The following SLC26A8 variants were observed in gnomAD, a reference collection of about 807,000 sequenced individuals.
SLC26A8 encodes testis anion transporter 1.
Under a neutral mutation model 105.0 loss-of-function variants are expected in SLC26A8, and 70 were observed. The observed-to-expected ratio is 0.67, with a 90% confidence interval of 0.55 to 0.81. SLC26A8 has a LOEUF of 0.81. Among genes scored for constraint, SLC26A8 ranks in the 40% least tolerant of loss-of-function variants. The probability of loss-of-function intolerance (pLI) is 0.00; values close to 1 mark genes in which losing one functional copy is unlikely to be tolerated. For synonymous variants in SLC26A8, 415 were observed against 438.3 expected (o/e 0.95, Z 0.66); for missense variants, 998 against 1,181.8 (o/e 0.84, Z 2.28).
At chr6:35,949,842 G>A (rs1447488793) in intron 19 of SLC26A8, among the ~76,000 whole-genome samples, 4 of 151,014 alleles carry the variant, frequency 2.6e-5, no homozygotes, top group South Asian at 2.1e-4. Context: ...GTCTCACTCC[G>A]TCGCCCAGTC....
chr6:35,988,005 G>A (rs377048923), intron 7 of SLC26A8, among the ~76,000 whole-genome samples: 5 of 151,030 alleles, frequency 3.3e-5, no homozygotes, highest in East Asian at 2.0e-4. Context: ...TCCGCCTCCC[G>A]GGTTAAGTGA....
At position 36,012,301 on chromosome 6, in the gene SLC26A8, C is replaced by T. The variant is rs140210148; in HGVS notation, c.260G>A (p.Arg87Gln). ...GTCTCCCAGAAGCCAATCCTTTAAT[C>T]GATACATACACATCCATTCTAGGAA... ...FPFLEWMCMY[R>Q]LKDWLLGDLL... The change falls in exon 3 of 20, where the codon CGA becomes CAA. Residue 87 changes from arginine to glutamine, a missense_variant. Physicochemically the swap from Arg to Gln is conservative, Grantham distance 43 (BLOSUM62 1). Coordinates refer to ENST00000490799, the MANE Select transcript of SLC26A8 (RefSeq NM_052961.4). 6.9e-4 allele frequency: 1,113 copies of T among 1,612,042 alleles called. 1 individual carries two copies. The highest frequency in any genetic ancestry group is 8.6e-4 in the Non-Finnish European group (1,018 of 1,179,330).
chr6:35,985,536 TA>T (rs763111900), intron 7 of SLC26A8, among the ~76,000 whole-genome samples: 202 of 150,978 alleles, frequency 1.3e-3, no homozygotes, highest in Admixed American at 2.3e-3. Context: ...CTACTAAAAA[TA>T]AAAAAATTAG....
rs76422826 is a variant in SLC26A8 at position 35,972,218 on chromosome 6, C to A, written c.1287+3157G>T. Among the ~76,000 whole-genome samples the A allele has an allele frequency of 1.5e-3, 226 of 152,264 alleles. 4 individuals carry two copies. The South Asian group carries it at 0.025, about 17-fold the overall frequency. On this transcript the variant is annotated intron_variant, in intron 10 of 19. Transcript: ENST00000490799. ...AGAGCCAGCCCCATATTTCTCTTTT[C>A]TGCAGTCCTAAGAAACTTTGAAGAA...
At chr6:35,960,812 G>A (rs1475702251) in intron 14 of SLC26A8, 31 bp downstream of exon 14, 5 of 1,606,406 alleles carry the variant, frequency 3.1e-6, no homozygotes, top group Non-Finnish European at 3.4e-6. Flanking sequence ...TATCCCTTAG[G>A]CAGAGAAATG....
intron 3 of SLC26A8, among the ~76,000 whole-genome samples, chr6:36,008,498 G>C (rs978454771): frequency 6.6e-6 from 1 of 152,052 alleles, no homozygotes; most frequent in Non-Finnish European, 1.5e-5. Context: ...ATACCACTAC[G>C]TACTTCTTAG....
chr6:35,992,468 G>A (rs750539064), intron 6 of SLC26A8, 42 bp downstream of exon 6: 8 of 1,578,502 alleles, frequency 5.1e-6, no homozygotes, highest in Non-Finnish European at 6.9e-6. Flanking sequence ...GAGGCAAGAG[G>A]AGTGGCATTT....
intron 8 of SLC26A8, among the ~76,000 whole-genome samples, chr6:35,980,054 C>T (rs1056541801): frequency 5.9e-5 from 9 of 152,168 alleles, no homozygotes; most frequent in African/African-American, 2.2e-4. Flanking sequence ...CTTATTGCAA[C>T]CTCCAACTCC....
chr6:35,966,487 G>C (rs888017781), intron 11 of SLC26A8, among the ~76,000 whole-genome samples: 2 of 152,110 alleles, frequency 1.3e-5, no homozygotes, highest in African/African-American at 4.8e-5. Flanking sequence ...GTAAAAACAA[G>C]TTAAACTCAT....
At chr6:35,971,955 G>A (rs73729642) in intron 10 of SLC26A8, among the ~76,000 whole-genome samples, 11,725 of 152,186 alleles carry the variant, frequency 0.077, 582 homozygotes, top group African/African-American at 0.14. Context: ...AGCCCAGCTG[G>A]CCACAGGCCT....
At chr6:35,968,013 A>C (rs910779796) in intron 11 of SLC26A8, among the ~76,000 whole-genome samples, 3 of 151,770 alleles carry the variant, frequency 2.0e-5, no homozygotes, top group African/African-American at 7.3e-5. Context: ...ACACCCAGCT[A>C]ATTTTTATAT....
intron 7 of SLC26A8, among the ~76,000 whole-genome samples, chr6:35,984,068 A>C (rs989930539): frequency 2.6e-5 from 4 of 152,176 alleles, no homozygotes; most frequent in African/African-American, 9.7e-5. Flanking sequence ...GCTATGTGGC[A>C]GAAACTGTGT....
chr6:35,987,689 T>TGCCCCTGTCATCATCACA (rs780539462), intron 7 of SLC26A8, among the ~76,000 whole-genome samples: 10 of 151,746 alleles, frequency 6.6e-5, no homozygotes, highest in Non-Finnish European at 7.4e-5. Flanking sequence ...CTTAACATAC[T>TGCCCCTGTCATCATCACA]GCCCCTGTCA....
intron 2 of SLC26A8, among the ~76,000 whole-genome samples, chr6:36,016,201 C>G (rs1447707477): frequency 6.6e-6 from 1 of 152,006 alleles, no homozygotes; most frequent in Non-Finnish European, 1.5e-5. Flanking sequence ...ACCACGTTGG[C>G]CAGGATGGTC....
At chr6:35,953,013 CAAAAAA>C (rs11364963) in intron 17 of SLC26A8, among the ~76,000 whole-genome samples, 3 of 63,742 alleles carry the variant, frequency 4.7e-5, no homozygotes, top group South Asian at 6.2e-4. Flanking sequence ...GATGCTGTCT[CAAAAAA>C]AAAAAAAAAA....
intron 11 of SLC26A8, among the ~76,000 whole-genome samples, chr6:35,967,377 C>G (rs1015874676): frequency 6.6e-6 from 1 of 152,054 alleles, no homozygotes; most frequent in African/African-American, 2.4e-5. Flanking sequence ...TCCCTAAGTA[C>G]GATATAAAAA....
intron 5 of SLC26A8, among the ~76,000 whole-genome samples, chr6:35,994,078 A>T (rs1761271765): frequency 6.6e-6 from 1 of 151,648 alleles, no homozygotes; most frequent in Non-Finnish European, 1.5e-5. Context: ...CAAAGCTTTC[A>T]ATCAGCCCGG....
intron 3 of SLC26A8, among the ~76,000 whole-genome samples, chr6:36,010,356 C>A (rs1237899912): frequency 6.6e-6 from 1 of 151,978 alleles, no homozygotes; most frequent in Non-Finnish European, 1.5e-5. Flanking sequence ...CTGTATGATT[C>A]CATTTATATG....
At chr6:36,019,471 T>A (rs775152161) in intron 2 of SLC26A8, 49 bp downstream of exon 2, 4 of 1,567,820 alleles carry the variant, frequency 2.6e-6, no homozygotes, top group Non-Finnish European at 3.5e-6. Flanking sequence ...TCAGGTTAGG[T>A]TTCAGTCCTG....
Sources: gnomAD v4.1 joint callset for allele counts (sites outside exome capture counted in the v4.1 genomes callset) on GRCh38, gnomAD v4.1.1 for gene constraint, MANE v1.5 for transcripts, NCBI Gene and HGNC (gene_info 2026-07-23, HGNC 2026-07-21) for gene names.